CLIC5: variants seen among roughly 807,000 people sequenced by gnomAD.
The protein encoded by CLIC5 is chloride intracellular channel protein 5.
CLIC5 carries 20 observed loss-of-function variants against 24.7 expected under a neutral mutation model. The ratio of observed to expected loss-of-function variants is 0.81; its 90% confidence interval spans 0.57 to 1.18. The LOEUF is 1.18. Among genes scored for constraint, CLIC5 ranks in the 50% most tolerant of loss-of-function variants. The probability of loss-of-function intolerance (pLI) is 0.00; values close to 1 mark genes in which losing one functional copy is unlikely to be tolerated. For synonymous variants in CLIC5, 159 were observed against 135.6 expected (o/e 1.17, Z -1.20); for missense variants, 341 against 326.1 (o/e 1.05, Z -0.35).
At position 45,917,636 on chromosome 6, in the gene CLIC5, T is replaced by C. The variant is rs186541716; in HGVS notation, c.407-3227A>G. Among the ~76,000 whole-genome samples the C allele has an allele frequency of 2.0e-5, 3 of 152,326 alleles. No individual in the cohort carries two copies. The East Asian group carries it at 5.8e-4, about 29-fold the overall frequency. ...TAGCAAAATAGACACAACATGCCTG[T>C]GTGCTGAAACACTACCATATTATCG... is the stretch of plus-strand genomic sequence containing the variant. On this transcript the variant is annotated intron_variant, in intron 4 of 5. Transcript: ENST00000339561.
chr6:46,043,101 A>G (rs1767854712), intron 1 of CLIC5, among the ~76,000 whole-genome samples: 1 of 152,140 alleles, frequency 6.6e-6, no homozygotes. Flanking sequence ...AATCACTCCT[A>G]ATGACTTTGC....
intron 1 of CLIC5, among the ~76,000 whole-genome samples, chr6:46,040,259 G>C (rs1767769804): frequency 6.6e-6 from 1 of 152,192 alleles, no homozygotes; most frequent in Non-Finnish European, 1.5e-5. Context: ...TGACACTGTT[G>C]TTTGTTGGTG....
intron 1 of CLIC5, among the ~76,000 whole-genome samples, chr6:45,995,890 C>G (rs190555879): frequency 1.3e-5 from 2 of 151,870 alleles, no homozygotes; most frequent in African/African-American, 2.4e-5. Flanking sequence ...TATGTTCTCA[C>G]GTATAAGTGG....
At chr6:46,056,554 C>T (rs187041022) in intron 1 of CLIC5, among the ~76,000 whole-genome samples, 32 of 152,218 alleles carry the variant, frequency 2.1e-4, no homozygotes, top group African/African-American at 7.0e-4. Context: ...CATCTCTTTC[C>T]GACTCCCTGT....
chr6:45,937,877 A>G (rs1763994853), intron 4 of CLIC5, among the ~76,000 whole-genome samples: 1 of 152,148 alleles, frequency 6.6e-6, no homozygotes, highest in Admixed American at 6.5e-5. Context: ...TAGCCACCAC[A>G]GGAGTGGAGT....
intron 1 of CLIC5, among the ~76,000 whole-genome samples, chr6:46,039,168 C>T (rs578238895): frequency 6.6e-6 from 1 of 152,158 alleles, no homozygotes; most frequent in East Asian, 1.9e-4. Flanking sequence ...ATAGTATATT[C>T]TATAAAATCT....
At chr6:45,908,968 G>A (rs773031726) in intron 5 of CLIC5, among the ~76,000 whole-genome samples, 1 of 151,508 alleles carries the variant, frequency 6.6e-6, no homozygotes. Flanking sequence ...TGTTGGGTGT[G>A]TATATATTTA....
chr6:45,893,090 G>A (rs1476702717), intron 6 of CLIC5, among the ~76,000 whole-genome samples: 2 of 152,038 alleles, frequency 1.3e-5, no homozygotes, highest in Non-Finnish European at 2.9e-5. Flanking sequence ...TGTTGAACTT[G>A]GCCCTGTTGT....
rs1177772236 is a variant in CLIC5, at chr6:45,972,469, A to G, written c.64-17225T>C. On this transcript the variant is annotated intron_variant, in intron 1 of 5. Transcript: ENST00000339561. The stretch of plus-strand genomic sequence containing the variant: ...CTCTTGTAAGTTTATCTCTCAATCA[A>G]GTCTCATTAAGAGCTTTTTATCTCT... Among the ~76,000 whole-genome samples the G allele has an allele frequency of 2.0e-5, 3 of 152,200 alleles. No homozygotes were observed. In the East Asian group the frequency reaches 5.8e-4, roughly 29 times the overall value.
At chr6:46,065,878 C>T (rs577793343) in intron 1 of CLIC5, among the ~76,000 whole-genome samples, 1 of 152,250 alleles carries the variant, frequency 6.6e-6, no homozygotes, top group Non-Finnish European at 1.5e-5. Context: ...CCCTCAAATG[C>T]ACACTTAAAA....
chr6:45,898,136 A>C (rs1356501444), downstream of CLIC5, among the ~76,000 whole-genome samples: 2 of 152,010 alleles, frequency 1.3e-5, no homozygotes, highest in Admixed American at 6.6e-5. Flanking sequence ...GCAGTGGTGC[A>C]ATCTCAGCTC....
At chr6:46,045,182 A>T (rs753252525) in intron 1 of CLIC5, among the ~76,000 whole-genome samples, 3 of 152,198 alleles carry the variant, frequency 2.0e-5, no homozygotes, top group Non-Finnish European at 4.4e-5. Context: ...TTTAATAGGC[A>T]GTTCCAAGAG....
intron 1 of CLIC5, among the ~76,000 whole-genome samples, chr6:45,955,808 C>T (rs1057009266): frequency 6.6e-6 from 1 of 151,256 alleles, no homozygotes; most frequent in Non-Finnish European, 1.5e-5. Flanking sequence ...TATATGGAGG[C>T]TAATCAGGAA....
rs79642736 is a variant in CLIC5 at position 46,068,206 on chromosome 6, A to G, written c.540+11497T>C. On this transcript the variant is annotated intron_variant, in intron 1 of 5. Coordinates refer to the CLIC5 transcript ENST00000185206. The stretch of plus-strand genomic sequence containing the variant: ...ACTCTCCCCTAGAGCCTTCAGAAGG[A>G]GTGTGGCCCTGACAATACCCTATCT... Among the ~76,000 whole-genome samples, 673 of 152,284 alleles carry G rather than the reference A, an allele frequency of 4.4e-3. 3 individuals are homozygous for G. Among genetic ancestry groups the G allele is most frequent in the African/African-American group, 0.015 (626 of 41,566 alleles).
At chr6:46,101,341 T>C in the CLIC5 span, among the ~76,000 whole-genome samples, 1 of 152,214 alleles carries the variant, frequency 6.6e-6, no homozygotes, top group Non-Finnish European at 1.5e-5. Context: ...AAGCAGGTAA[T>C]TAAAACTTCA....
At chr6:46,111,936 T>C in the CLIC5 span, among the ~76,000 whole-genome samples, 19 of 152,074 alleles carry the variant, frequency 1.2e-4, no homozygotes, top group African/African-American at 4.6e-4. Flanking sequence ...ATGTAAGATA[T>C]AAACTTTCAC....
At chr6:46,050,783 C>A (rs6910029) in intron 1 of CLIC5, among the ~76,000 whole-genome samples, 106,782 of 151,660 alleles carry the variant, frequency 0.7, 37,947 homozygotes, top group African/African-American at 0.8. Flanking sequence ...TTTTTCTTGG[C>A]GATTTTAAGG....
intron 4 of CLIC5, among the ~76,000 whole-genome samples, chr6:45,915,888 T>C (rs1355361860): frequency 1.3e-5 from 2 of 152,144 alleles, no homozygotes; most frequent in Non-Finnish European, 2.9e-5. Flanking sequence ...CATCAGTCAC[T>C]GCACCTGTGT....
chr6:45,914,797 A>G (rs1382490320), intron 4 of CLIC5, among the ~76,000 whole-genome samples: 2 of 143,228 alleles, frequency 1.4e-5, no homozygotes, highest in East Asian at 4.2e-4. Flanking sequence ...CTAAAACTAC[A>G]AAAATTAGCT....
Sources: allele counts gnomAD v4.1 joint callset (sites outside exome capture counted in the v4.1 genomes callset), GRCh38; gene constraint gnomAD v4.1.1; transcripts MANE v1.5; gene names NCBI Gene and HGNC (gene_info 2026-07-23, HGNC 2026-07-21).